Variants in DPYD observed in about 807,000 individuals in gnomAD.
The protein encoded by DPYD is dihydropyrimidine dehydrogenase.
DPYD carries 109 observed loss-of-function variants against 116.2 expected under a neutral mutation model. The observed-to-expected ratio is 0.94, with a 90% CI of 0.80 to 1.10. The LOEUF (loss-of-function observed/expected upper bound fraction) is 1.10, where lower values mean the gene tolerates loss of function less well. Ranked by LOEUF, DPYD falls within the 50% of genes least tolerant of loss-of-function variation. The pLI, the probability that DPYD is intolerant of heterozygous loss-of-function variation, is 0.00. For synonymous variants in DPYD, 440 were observed against 432.0 expected (o/e 1.02, Z -0.23); for missense variants, 1,302 against 1,254.5 (o/e 1.04, Z -0.57).
intron 4 of DPYD, among the ~76,000 whole-genome samples, chr1:97,728,468 A>G (rs568671247): frequency 6.6e-6 from 1 of 152,248 alleles, no homozygotes; most frequent in East Asian, 1.9e-4. Context: ...GAAAACTCAC[A>G]AGCCGCTACC....
chr1:97,270,831 T>C (rs1664536524), intron 18 of DPYD, among the ~76,000 whole-genome samples: 1 of 152,202 alleles, frequency 6.6e-6, no homozygotes, highest in Admixed American at 6.6e-5. Context: ...TTCAGGAAGA[T>C]TTCTGCTCTT....
At chr1:97,644,927 A>G (rs1450706643) in intron 8 of DPYD, among the ~76,000 whole-genome samples, 1 of 152,122 alleles carries the variant, frequency 6.6e-6, no homozygotes, top group Non-Finnish European at 1.5e-5. Context: ...ATAATTTTTT[A>G]ATGCATACAC....
intron 19 of DPYD, among the ~76,000 whole-genome samples, chr1:97,195,658 A>ATGTGTGTG (rs1658743849): frequency 3.4e-5 from 1 of 29,442 alleles, no homozygotes; most frequent in African/African-American, 1.3e-4. Flanking sequence ...ATATATATAT[A>ATGTGTGTG]TATATATATA....
At chr1:97,285,537 TAGG>T (rs1440404703) in intron 18 of DPYD, among the ~76,000 whole-genome samples, 1 of 152,216 alleles carries the variant, frequency 6.6e-6, no homozygotes, top group East Asian at 1.9e-4. Context: ...GGTCAGAAAT[TAGG>T]AGTAGTAAAG....
At chr1:97,394,837 G>A (rs979317781) in intron 14 of DPYD, among the ~76,000 whole-genome samples, 9 of 152,056 alleles carry the variant, frequency 5.9e-5, no homozygotes, top group Non-Finnish European at 7.4e-5. Flanking sequence ...GTGTATTTAA[G>A]GAATATGCTG....
At chr1:97,402,049 G>A (rs1673407716) in intron 14 of DPYD, among the ~76,000 whole-genome samples, 1 of 152,088 alleles carries the variant, frequency 6.6e-6, no homozygotes, top group Non-Finnish European at 1.5e-5. Flanking sequence ...CTTGAGGTTA[G>A]GTAGTGTCAG....
At chr1:97,851,410 A>G (rs1240628109) in intron 2 of DPYD, among the ~76,000 whole-genome samples, 1 of 151,914 alleles carries the variant, frequency 6.6e-6, no homozygotes, top group Non-Finnish European at 1.5e-5. Context: ...TTCACCAACT[A>G]TATGTATTAA....
chr1:97,828,539 A>C (rs1160375340), intron 2 of DPYD, among the ~76,000 whole-genome samples: 1 of 152,118 alleles, frequency 6.6e-6, no homozygotes, highest in African/African-American at 2.4e-5. Flanking sequence ...AAATAATCTT[A>C]AGTATAGAAA....
chr1:97,566,725 T>C (rs1652543906), intron 11 of DPYD, among the ~76,000 whole-genome samples: 1 of 152,158 alleles, frequency 6.6e-6, no homozygotes, highest in South Asian at 2.1e-4. Context: ...TATGAGAAAT[T>C]ACGTAAGCTG....
At chr1:97,373,512 C>G in intron 16 of DPYD, 49 bp downstream of exon 16, 1 of 1,518,378 alleles carries the variant, frequency 6.6e-7, no homozygotes, top group Non-Finnish European at 9.1e-7. Flanking sequence ...CATACGGGGG[C>G]CTGTTATGTC....
chr1:97,880,991 T>C (rs1466890314), intron 2 of DPYD, among the ~76,000 whole-genome samples: 1 of 152,030 alleles, frequency 6.6e-6, no homozygotes, highest in Non-Finnish European at 1.5e-5. Flanking sequence ...ATGCCTAAGA[T>C]AATCCTCTTT....
intron 20 of DPYD, among the ~76,000 whole-genome samples, chr1:97,130,374 A>T (rs1389693292): frequency 6.6e-6 from 1 of 152,138 alleles, no homozygotes; most frequent in African/African-American, 2.4e-5. Context: ...TCTTGAGGGA[A>T]TCCTACCAGA....
At chr1:97,140,263 G>A (rs1275976888) in intron 20 of DPYD, among the ~76,000 whole-genome samples, 1 of 152,042 alleles carries the variant, frequency 6.6e-6, no homozygotes, top group African/African-American at 2.4e-5. Context: ...GCCAGTAGAG[G>A]TGTTTGCTTA....
chr1:97,584,537 G>A (rs977977549), intron 10 of DPYD, among the ~76,000 whole-genome samples: 1 of 151,790 alleles, frequency 6.6e-6, no homozygotes, highest in African/African-American at 2.4e-5. Context: ...GGTTTTTATG[G>A]TTTTAGGTCT....
At chr1:97,874,693 A>C (rs1197146852) in intron 2 of DPYD, among the ~76,000 whole-genome samples, 1 of 151,862 alleles carries the variant, frequency 6.6e-6, no homozygotes, top group Non-Finnish European at 1.5e-5. Context: ...CTATGTTTTT[A>C]TTTTCAAAGA....
rs1333594050 is a variant in DPYD, at chr1:97,549,547, G to A, written c.1524+13C>T. The stretch of plus-strand genomic sequence containing the variant: ...TGGAAAAGAATTAAGTGGAAATGAT[G>A]GCAAATGCCTACCTGTACGTATTTG... On this transcript the variant is annotated intron_variant, in intron 12 of 22. Transcript: ENST00000370192. The A allele has an allele frequency of 1.2e-6, 2 of 1,613,262 alleles. No individual in the cohort carries two copies. Among genetic ancestry groups the A allele is most frequent in the Non-Finnish European group, 1.7e-6 (2 of 1,179,524 alleles).
At chr1:97,433,910 T>G (rs1570727395) in intron 14 of DPYD, among the ~76,000 whole-genome samples, 1 of 152,266 alleles carries the variant, frequency 6.6e-6, no homozygotes, top group African/African-American at 2.4e-5. Flanking sequence ...CAGTTTCCAG[T>G]AATTCATTTA....
chr1:97,170,013 G>A (rs1201264884), intron 20 of DPYD, among the ~76,000 whole-genome samples: 1 of 152,174 alleles, frequency 6.6e-6, no homozygotes, highest in Non-Finnish European at 1.5e-5. Flanking sequence ...CTTCTTTGGT[G>A]CAAGAGTATG....
chr1:97,866,967 G>A (rs61787785), intron 2 of DPYD, among the ~76,000 whole-genome samples: 2 of 151,686 alleles, frequency 1.3e-5, no homozygotes, highest in Non-Finnish European at 2.9e-5. Flanking sequence ...GCTATAATAG[G>A]ACCAGGTTTT....
Sources: gnomAD v4.1 joint callset for allele counts (sites outside exome capture counted in the v4.1 genomes callset) on GRCh38, gnomAD v4.1.1 for gene constraint, MANE v1.5 for transcripts, NCBI Gene and HGNC (gene_info 2026-07-23, HGNC 2026-07-21) for gene names.